NCBP1: variants seen among roughly 807,000 people sequenced by gnomAD.
The protein encoded by NCBP1 is nuclear cap-binding protein subunit 1.
Under a neutral mutation model 111.7 loss-of-function variants are expected in NCBP1, and 16 were observed. The ratio of observed to expected loss-of-function variants is 0.14; its 90% CI spans 0.10 to 0.22. The LOEUF is 0.22. Among genes scored for constraint, NCBP1 ranks in the 10% least tolerant of loss-of-function variants. The probability of loss-of-function intolerance (pLI) is 1.00; values close to 1 mark genes in which losing one functional copy is unlikely to be tolerated. For synonymous variants in NCBP1, 304 were observed against 314.3 expected (o/e 0.97, Z 0.35); for missense variants, 607 against 957.5 (o/e 0.63, Z 4.83).
intron 14 of NCBP1, among the ~76,000 whole-genome samples, chr9:97,656,415 T>C (rs1271750716): frequency 6.6e-6 from 1 of 152,174 alleles, no homozygotes; most frequent in Non-Finnish European, 1.5e-5. Context: ...ACCCCCTCTC[T>C]ACTAAAAATA....
chr9:97,644,147 T>C (rs1189595593), intron 4 of NCBP1, among the ~76,000 whole-genome samples: 1 of 152,186 alleles, frequency 6.6e-6, no homozygotes, highest in Non-Finnish European at 1.5e-5. Context: ...TAAATACATA[T>C]GTATGTGTTG....
chr9:97,670,588 T>TA (rs1828158917), intron 22 of NCBP1, among the ~76,000 whole-genome samples: 1 of 152,252 alleles, frequency 6.6e-6, no homozygotes, highest in Non-Finnish European at 1.5e-5. Flanking sequence ...ATTTTATAGT[T>TA]ACTGCCAGTT....
intron 1 of NCBP1, among the ~76,000 whole-genome samples, chr9:97,640,426 AC>A (rs758259754): frequency 2.0e-5 from 3 of 152,136 alleles, no homozygotes; most frequent in Admixed American, 6.6e-5. Context: ...TCAGTAAACA[AC>A]TCAAGTTAAA....
chr9:97,649,658 A>C (rs1827443877), intron 8 of NCBP1, among the ~76,000 whole-genome samples: 1 of 152,144 alleles, frequency 6.6e-6, no homozygotes, highest in African/African-American at 2.4e-5. Context: ...ACTTTAGTCA[A>C]AATTATGTAA....
At chr9:97,668,737 A>C (rs1402817072) in intron 20 of NCBP1, 109 bp from the exon 21 acceptor site, 2 of 1,250,746 alleles carry the variant, frequency 1.6e-6, no homozygotes, top group Non-Finnish European at 2.2e-6. Context: ...TTCACTATAG[A>C]ATATAAGTCT....
chr9:97,633,873 G>A lies in NCBP1; in HGVS notation c.-9G>A, dbSNP rs750421672. The A allele has an allele frequency of 7.6e-6, 12 of 1,586,772 alleles. 1 individual carries two copies. Among genetic ancestry groups the A allele is most frequent in the South Asian group, 6.8e-5 (6 of 88,320 alleles). ...GGCCTCTCGGTTCCGCGGCGCACCG[G>A]AGGGCAGCATGTCGCGGCGGCGGCA... On this transcript the variant is annotated 5_prime_UTR_variant, in exon 1 of 23. Coordinates refer to ENST00000375147, the MANE Select transcript of NCBP1 (RefSeq NM_002486.5).
At chr9:97,654,819 G>A (rs1048586516) in intron 11 of NCBP1, 61 bp from the exon 12 acceptor site, 2 of 1,364,322 alleles carry the variant, frequency 1.5e-6, no homozygotes, top group Non-Finnish European at 2.1e-6. Context: ...TTCTATTCTT[G>A]TCTATTACAA....
At position 97,653,788 on chromosome 9, in the gene NCBP1, TC is replaced by T. The variant is rs776727935; in HGVS notation, c.1060-9del. On this transcript the variant is annotated splice_polypyrimidine_tract_variant and intron_variant, in intron 10 of 22. Coordinates refer to ENST00000375147, the MANE Select transcript of NCBP1 (RefSeq NM_002486.5). ...GTTGGATTGAATTGTGACTCATGAT[TC>T]TTTTGTAGGTGATCTTTGCAGAGCT... 1.2e-6 allele frequency: 2 copies of T among 1,605,552 alleles called. No homozygotes were observed. Among genetic ancestry groups the T allele is most frequent in the Admixed American group, 3.4e-5 (2 of 59,576 alleles).
chr9:97,653,896 T>G lies in NCBP1; in HGVS notation c.1158T>G (p.Ser386=), dbSNP rs141700590. ...LIELCKLQPG[S]LPQVLAQATE... ...AACTGTGCAAACTTCAACCTGGCTC[T>G]CTACCCCAAGTTGTATCCTTTTCTT... The change falls in exon 11 of 23, where the codon TCT becomes TCG. Residue 386 remains serine (S), a synonymous_variant. Transcript: ENST00000375147. 4.7e-5 allele frequency: 76 copies of G among 1,610,874 alleles called. No individual in the cohort carries two copies. Among genetic ancestry groups the G allele is most frequent in the Non-Finnish European group, 5.9e-5 (70 of 1,177,292 alleles).
At chr9:97,666,714 C>T (rs1828014282) in intron 19 of NCBP1, 49 bp from the exon 20 acceptor site, 1 of 1,246,924 alleles carries the variant, frequency 8.0e-7, no homozygotes, top group African/African-American at 1.5e-5. Flanking sequence ...ATTTTATTTT[C>T]TGTAACCATA....
intron 1 of NCBP1, among the ~76,000 whole-genome samples, chr9:97,639,502 T>C (rs1010883390): frequency 2.0e-5 from 3 of 152,172 alleles, no homozygotes; most frequent in African/African-American, 7.2e-5. Context: ...AATAATTCCT[T>C]TGGCTGTTCA....
At chr9:97,659,441 G>A (rs1422043872) in intron 15 of NCBP1, among the ~76,000 whole-genome samples, 2 of 152,084 alleles carry the variant, frequency 1.3e-5, no homozygotes, top group Non-Finnish European at 2.9e-5. Flanking sequence ...CTCCACCTCT[G>A]TCTCTGACTG....
At chr9:97,642,801 GC>G (rs993111899) in intron 3 of NCBP1, among the ~76,000 whole-genome samples, 3 of 151,846 alleles carry the variant, frequency 2.0e-5, no homozygotes, top group Admixed American at 6.6e-5. Context: ...AATGCTGCAC[GC>G]CCCCCCTTAA....
chr9:97,636,821 G>A (rs1827055511), intron 1 of NCBP1, among the ~76,000 whole-genome samples: 1 of 151,830 alleles, frequency 6.6e-6, no homozygotes, highest in Non-Finnish European at 1.5e-5. Flanking sequence ...ATAGTGACAG[G>A]CGCTATGGAG....
intron 11 of NCBP1, among the ~76,000 whole-genome samples, chr9:97,654,598 A>G (rs1001246103): frequency 2.6e-5 from 4 of 152,076 alleles, no homozygotes; most frequent in Non-Finnish European, 5.9e-5. Context: ...TCTGCTAAGC[A>G]CAATGAAACA....
chr9:97,668,694 A>C, intron 20 of NCBP1, 152 bp from the exon 21 acceptor site: 2 of 715,084 alleles, frequency 2.8e-6, no homozygotes, highest in Non-Finnish European at 4.3e-6. Context: ...ACTTTGAGGT[A>C]TATATGTGTG....
chr9:97,640,575 A>G (rs1189214283), intron 1 of NCBP1, among the ~76,000 whole-genome samples: 1 of 152,116 alleles, frequency 6.6e-6, no homozygotes, highest in East Asian at 1.9e-4. Flanking sequence ...AAAATTTAAC[A>G]TAAATAATGC....
At chr9:97,663,078 C>T (rs1284476102) in intron 18 of NCBP1, 31 bp downstream of exon 18, 1 of 1,508,614 alleles carries the variant, frequency 6.6e-7, no homozygotes. Flanking sequence ...CATGTTGAAG[C>T]TCTGATTGTA....
chr9:97,636,379 C>G (rs1455194897), intron 1 of NCBP1, among the ~76,000 whole-genome samples: 1 of 150,790 alleles, frequency 6.6e-6, no homozygotes, highest in Non-Finnish European at 1.5e-5. Context: ...GGACAATTGT[C>G]AGCTGCTGTC....
Sources: allele counts gnomAD v4.1 joint callset (sites outside exome capture counted in the v4.1 genomes callset), GRCh38; gene constraint gnomAD v4.1.1; transcripts MANE v1.5; gene names NCBI Gene and HGNC (gene_info 2026-07-23, HGNC 2026-07-21).